ZGRF1: variants seen among roughly 807,000 people sequenced by gnomAD.
ZGRF1 encodes 5'-3' DNA helicase ZGRF1.
A neutral mutation model predicts 203.5 loss-of-function variants in ZGRF1; 196 were observed. The observed-to-expected ratio is 0.96, with a 90% CI of 0.86 to 1.08. ZGRF1 has a LOEUF of 1.08. Among genes scored for constraint, ZGRF1 ranks in the 50% least tolerant of loss-of-function variants. ZGRF1 has a pLI of 0.00. For synonymous variants in ZGRF1, 809 were observed against 841.3 expected (o/e 0.96, Z 0.66); for missense variants, 2,326 against 2,416.3 (o/e 0.96, Z 0.78).
At chr4:112,615,423 CAT>C (rs1334726473) in intron 6 of ZGRF1, among the ~76,000 whole-genome samples, 1 of 151,888 alleles carries the variant, frequency 6.6e-6, no homozygotes, top group Non-Finnish European at 1.5e-5. Context: ...GGGGTTTCAC[CAT>C]GTTGGCCAGG....
intron 2 of ZGRF1, among the ~76,000 whole-genome samples, chr4:112,632,815 G>C (rs1335556962): frequency 2.0e-5 from 3 of 152,204 alleles, no homozygotes; most frequent in Non-Finnish European, 4.4e-5. Flanking sequence ...TCAAGAGAAA[G>C]AAATTGTTTC....
intron 3 of ZGRF1, among the ~76,000 whole-genome samples, chr4:112,631,290 T>C (rs949762562): frequency 3.3e-5 from 5 of 152,028 alleles, no homozygotes; most frequent in Admixed American, 2.6e-4. Flanking sequence ...GTATGAGCCA[T>C]GATGCCTGGC....
chr4:112,634,767 G>A (rs983551245), intron 1 of ZGRF1, among the ~76,000 whole-genome samples: 1 of 152,182 alleles, frequency 6.6e-6, no homozygotes, highest in Non-Finnish European at 1.5e-5. Flanking sequence ...ATGCAAATGA[G>A]ATATGCATAC....
chr4:112,617,869 C>T lies in ZGRF1; in HGVS notation c.2173G>A (p.Glu725Lys), dbSNP rs2046935969. 8 of 1,613,880 alleles carry T rather than the reference C, an allele frequency of 5.0e-6. No individual in the cohort carries two copies. Among genetic ancestry groups the T allele is most frequent in the Non-Finnish European group, 6.8e-6 (8 of 1,179,958 alleles). ...ILGSDLDKND[E>K]HVLPSTSSSD... ...CTAGAAGTTGAGGGTAAAACATGTTCATCATTTTTGTCTAAGTCACTTCCC... is the reference window on the plus strand; with the variant it reads ...CTAGAAGTTGAGGGTAAAACATGTTTATCATTTTTGTCTAAGTCACTTCCC... The change falls in exon 6 of 28, where the codon GAA (glutamate) becomes AAA (lysine). Residue 725 changes from glutamate (E) to lysine (K), a missense_variant. Glu to Lys is a moderately conservative substitution (Grantham distance 56). Coordinates refer to ENST00000505019, the MANE Select transcript of ZGRF1 (RefSeq NM_018392.5).
At position 112,577,103 on chromosome 4, in the gene ZGRF1, A is replaced by G. The variant is rs1277243627; in HGVS notation, c.4438+4560T>C. 1.4e-4 allele frequency among the ~76,000 whole-genome samples: 10 copies of G among 71,218 alleles called. 3 individuals carry two copies. The Admixed American group carries it at 1.4e-3, about 10-fold the overall frequency. The allele number at this position is 71,218 out of a possible 152,430, so 46.7% of individuals were successfully genotyped here. A position where few individuals can be genotyped will look rare whatever the true frequency, so the allele number is the denominator to read the frequency against. On this transcript the variant is annotated intron_variant, in intron 16 of 27. Transcript: ENST00000505019. ...TCTCAGCAGAAACTGTACAAGCCAGAAGAAAGTGGGGGCCAATATTCAACA... is the reference window on the plus strand; with the variant it reads ...TCTCAGCAGAAACTGTACAAGCCAGGAGAAAGTGGGGGCCAATATTCAACA...
intron 6 of ZGRF1, among the ~76,000 whole-genome samples, chr4:112,615,116 G>T (rs1225795445): frequency 1.3e-5 from 2 of 152,078 alleles, no homozygotes; most frequent in Non-Finnish European, 2.9e-5. Context: ...TAGGAGCAAG[G>T]TTTACTATTA....
chr4:112,542,273 C>T (rs1249356266), intron 24 of ZGRF1, among the ~76,000 whole-genome samples: 10 of 152,084 alleles, frequency 6.6e-5, no homozygotes, highest in Admixed American at 6.6e-4. Flanking sequence ...ACCCAGGAGG[C>T]AGAGGTTGCA....
intron 16 of ZGRF1, among the ~76,000 whole-genome samples, chr4:112,573,493 AT>A (rs968712447): frequency 6.6e-6 from 1 of 152,128 alleles, no homozygotes; most frequent in Non-Finnish European, 1.5e-5. Flanking sequence ...AATCTCAGAA[AT>A]CACTACTAAA....
rs541517004 is a variant in ZGRF1 at position 112,550,116 on chromosome 4, C to T, written c.5347-1736G>A. 1.6e-4 allele frequency among the ~76,000 whole-genome samples: 24 copies of T among 151,816 alleles called. 1 individual carries two copies. Among genetic ancestry groups the T allele is most frequent in the Admixed American group, 1.4e-3 (22 of 15,244 alleles). On this transcript the variant is annotated intron_variant, in intron 22 of 27. Transcript: ENST00000505019. ...CTGAGGCAGGAGAATGGCGTGAACC[C>T]GGGAGGCAGAGCTTGCAGTGAGCCA...
intron 3 of ZGRF1, chr4:112,628,588 G>A (rs944144228): frequency 2.2e-5 from 10 of 455,920 alleles, no homozygotes; most frequent in Non-Finnish European, 4.4e-5. Context: ...GATTGAGGGC[G>A]TTATTTAGGA....
At chr4:112,629,917 G>T (rs780198023) in intron 3 of ZGRF1, 4 of 302,170 alleles carry the variant, frequency 1.3e-5, no homozygotes, top group Admixed American at 4.0e-5. Context: ...TACTCAGGAG[G>T]CTGAGGCAGG....
At chr4:112,549,808 T>C (rs551127998) in intron 22 of ZGRF1, among the ~76,000 whole-genome samples, 1 of 152,114 alleles carries the variant, frequency 6.6e-6, no homozygotes, top group South Asian at 2.1e-4. Context: ...ATAAAACAGT[T>C]TCAGGGACGC....
At chr4:112,550,027 C>T (rs1409076092) in intron 22 of ZGRF1, among the ~76,000 whole-genome samples, 2 of 152,054 alleles carry the variant, frequency 1.3e-5, no homozygotes, top group Non-Finnish European at 2.9e-5. Flanking sequence ...CCCGTCTCTA[C>T]TAAACATACA....
chr4:112,630,437 G>T (rs1310837690), intron 3 of ZGRF1, among the ~76,000 whole-genome samples: 3 of 152,088 alleles, frequency 2.0e-5, no homozygotes, highest in Non-Finnish European at 4.4e-5. Context: ...AGAATCACCT[G>T]AACCTGGGAG....
At chr4:112,606,263 G>C (rs1485303823) in intron 8 of ZGRF1, among the ~76,000 whole-genome samples, 172 bp from the exon 9 acceptor site, 2 of 152,206 alleles carry the variant, frequency 1.3e-5, no homozygotes, top group Non-Finnish European at 2.9e-5. Context: ...CCCTGGCAAA[G>C]GGGTACTTTA....
At chr4:112,602,816 A>G (rs1005880655) in intron 10 of ZGRF1, among the ~76,000 whole-genome samples, 2 of 152,238 alleles carry the variant, frequency 1.3e-5, no homozygotes, top group East Asian at 3.8e-4. Context: ...TTCTATTTAT[A>G]TAAAGTTTTA....
intron 4 of ZGRF1, among the ~76,000 whole-genome samples, chr4:112,622,539 AAG>A (rs2047096684): frequency 6.6e-6 from 1 of 151,518 alleles, no homozygotes; most frequent in African/African-American, 2.4e-5. Flanking sequence ...AAAAAAAAAA[AAG>A]ACTCACTGTA....
intron 3 of ZGRF1, among the ~76,000 whole-genome samples, chr4:112,630,538 T>C (rs2047374219): frequency 6.6e-6 from 1 of 151,378 alleles, no homozygotes; most frequent in Non-Finnish European, 1.5e-5. Flanking sequence ...GAACAGAATA[T>C]GGTTATCTTT....
In ZGRF1 at chr4:112,579,396, A is replaced by G. The variant is rs180941291; in HGVS notation, c.4438+2267T>C. The stretch of plus-strand genomic sequence containing the variant: ...ATGCGCTCTCTCACCACTCCTATTC[A>G]ACATAGTGTTGGAAGTTCTGGCCAG... On this transcript the variant is annotated intron_variant, in intron 16 of 27. Transcript: ENST00000505019. Among the ~76,000 whole-genome samples the G allele has an allele frequency of 5.1e-4, 63 of 122,988 alleles. 16 individuals are homozygous for G. The highest frequency in any genetic ancestry group is 1.5e-3 in the African/African-American group (54 of 35,472). The allele number at this position is 122,988 out of a possible 152,430, so 80.7% of individuals were successfully genotyped here. A position where few individuals can be genotyped will look rare whatever the true frequency, so the allele number is the denominator to read the frequency against.
Sources: allele counts gnomAD v4.1 joint callset (sites outside exome capture counted in the v4.1 genomes callset), GRCh38; gene constraint gnomAD v4.1.1; transcripts MANE v1.5; gene names NCBI Gene and HGNC (gene_info 2026-07-23, HGNC 2026-07-21).